The following TYK2 variants were observed in gnomAD, a reference collection of about 807,000 sequenced individuals.
TYK2 encodes the protein tyrosine kinase 2.
A neutral mutation model predicts 130.9 loss-of-function variants in TYK2; 65 were observed. That is an observed-to-expected ratio of 0.50 (90% confidence interval 0.41 to 0.61). TYK2 has a LOEUF of 0.61. TYK2 is among the 20% of genes least tolerant of loss of function. TYK2 has a pLI of 0.00. For missense variants in TYK2, 1,378 were observed against 1,610.7 expected, an observed-to-expected ratio of 0.86 and a Z score of 2.47; for synonymous variants, 647 against 658.9, an observed-to-expected ratio of 0.98 and a Z score of 0.28.
rs751712753 is a variant in TYK2, at chr19:10,361,949, G to C, written c.1780C>G (p.His594Asp). The C allele has an allele frequency of 1.9e-6, 3 of 1,614,028 alleles. No homozygotes were observed. The highest frequency in any genetic ancestry group is 2.5e-6 in the Non-Finnish European group (3 of 1,180,000). ...TTGGTCCTTGTGCCCTGGCCCAAGT[G>C]GGACAGCTGCGGGATCATGTGGCAC... ...VDQKEITQLS[H>D]LGQGTRTNVY... Residue 594 changes from histidine to aspartate, a missense_variant, in exon 13 of 25, where the codon CAC becomes GAC. His to Asp is a moderately conservative substitution (Grantham distance 81). Coordinates refer to ENST00000525621, the MANE Select transcript of TYK2 (RefSeq NM_003331.5). This position sits in a 1 kb window ranked among gnomAD's most constrained non-coding sequence, Gnocchi z 4.0.
At chr19:10,363,000 C>T (rs1309952351) in intron 9 of TYK2, among the ~76,000 whole-genome samples, 5 of 152,062 alleles carry the variant, frequency 3.3e-5, no homozygotes, top group Middle Eastern at 3.4e-3. Context: ...CTCAACCTCC[C>T]GAGTAGCTGG....
chr19:10,368,736 T>C (rs547060277), intron 3 of TYK2: 55 of 377,826 alleles, frequency 1.5e-4, no homozygotes, highest in Admixed American at 1.0e-3. Flanking sequence ...CGAGGTATGA[T>C]GAAGGCTTCT....
chr19:10,355,915 T>C (rs1469089788), intron 18 of TYK2, among the ~76,000 whole-genome samples: 1 of 151,680 alleles, frequency 6.6e-6, no homozygotes, highest in East Asian at 1.9e-4. Flanking sequence ...TGAGCCAAGA[T>C]TGCACCACTG....
At position 10,354,557 on chromosome 19, in the gene TYK2, C is replaced by A; in HGVS notation, c.2670G>T (p.Thr890=). ...VNPDSPASDP[T]VFHKRYLKKI... ...TTTTCAAATAGCGCTTGTGGAAAAC[C>A]GTAGGGTCCGACGCCGGTGAGTCCG... Residue 890 remains threonine, a synonymous_variant, in exon 19 of 25, where the codon ACG becomes ACT. Coordinates refer to ENST00000525621, the MANE Select transcript of TYK2 (RefSeq NM_003331.5). 1 of 1,614,026 alleles carries A rather than the reference C, an allele frequency of 6.2e-7. No homozygotes were observed. The highest frequency in any genetic ancestry group is 8.5e-7 in the Non-Finnish European group (1 of 1,180,022).
intron 3 of TYK2, among the ~76,000 whole-genome samples, chr19:10,374,538 T>TTGTGC (rs2042039139): frequency 8.8e-6 from 1 of 113,868 alleles, no homozygotes; most frequent in African/African-American, 3.6e-5. Context: ...TGAGCCGAGA[T>TTGTGC]CACACCACTG....
At position 10,365,793 on chromosome 19, in the gene TYK2, G is replaced by C. The variant is rs1454450816; in HGVS notation, c.735C>G (p.Phe245Leu). The C allele has an allele frequency of 3.7e-6, 6 of 1,612,228 alleles. No homozygotes were observed. Among genetic ancestry groups the C allele is most frequent in the East Asian group, 4.5e-5 (2 of 44,872 alleles). Residue 245 changes from phenylalanine to leucine, a missense_variant, in exon 7 of 25, where the codon TTC (phenylalanine) becomes TTG (leucine). Coordinates refer to ENST00000525621, the MANE Select transcript of TYK2 (RefSeq NM_003331.5). Reference protein sequence around the residue: ...RNVFRRFLRDFQPGRLSQQMV... With the variant: ...RNVFRRFLRDLQPGRLSQQMV... The stretch of plus-strand genomic sequence containing the variant: ...TCTGCTGGGAGAGTCGGCCCGGCTG[G>C]AAGTCCCGCAGGAACCTGCGGAAGA...
chr19:10,378,818 AAGAC>A (rs2042261531), intron 2 of TYK2, among the ~76,000 whole-genome samples: 6 of 150,004 alleles, frequency 4.0e-5, no homozygotes, highest in Non-Finnish European at 7.4e-5. Flanking sequence ...CTGTTTCTAC[AAGAC>A]GTTTTATTTT....
Position 10,378,245 on chromosome 19 carries a change from C to T in TYK2, c.162G>A (p.Glu54=), listed in dbSNP as rs1171586622. 6.2e-7 allele frequency: 1 copy of T among 1,612,992 alleles called. No homozygotes were observed. The highest frequency in any genetic ancestry group is 2.2e-5 in the East Asian group (1 of 44,892). The change falls in exon 3 of 25, where the codon GAG becomes GAA. Residue 54 remains glutamate (E), a synonymous_variant. Transcript: ENST00000525621. ...VTFSESSLTA[E]EVCIHIAHKV... ...TATGTGCAATGTGGATGCAGACTTC[C>T]TCAGCTGTCAGCGATGACTCACTGA...
In TYK2 at chr19:10,361,293, G is replaced by C; in HGVS notation, c.2047+218C>G. On this transcript the variant is annotated intron_variant, in intron 14 of 24. Transcript: ENST00000525621. The surrounding 1 kb of genome is among the most constrained non-coding windows in gnomAD (Gnocchi z 4.0). The stretch of plus-strand genomic sequence containing the variant: ...GGGGGTTGAGACTGAGGGCAGGTGA[G>C]GGTCGACGTGTTGGGATGTAAGTTA... 2 of 628,216 alleles carry C rather than the reference G, an allele frequency of 3.2e-6. No homozygotes were observed. The highest frequency in any genetic ancestry group is 5.8e-6 in the Non-Finnish European group (2 of 345,148). The allele number at this position is 628,216 out of a possible 1,614,324, so 38.9% of individuals were successfully genotyped here. A position where few individuals can be genotyped will look rare whatever the true frequency, so the allele number is the denominator to read the frequency against.
At chr19:10,358,416 G>A (rs187787379) in intron 15 of TYK2, among the ~76,000 whole-genome samples, 121 of 149,878 alleles carry the variant, frequency 8.1e-4, no homozygotes, top group Middle Eastern at 3.4e-3. Flanking sequence ...TCCAAGTAGC[G>A]AGAATTACAG....
chr19:10,378,082 A>G (rs1288307751), intron 3 of TYK2, 132 bp downstream of exon 3: 19 of 759,752 alleles, frequency 2.5e-5, no homozygotes, highest in African/African-American at 1.1e-4. Context: ...GGATGGGTGG[A>G]TGGATGGATG....
chr19:10,352,199 G>A (rs1164362695), intron 23 of TYK2, among the ~76,000 whole-genome samples: 2 of 151,952 alleles, frequency 1.3e-5, no homozygotes, highest in African/African-American at 2.4e-5. Flanking sequence ...AGTCTCCTGA[G>A]TAGCTGGGAC....
At position 10,353,117 on chromosome 19, in the gene TYK2, T is replaced by G; in HGVS notation, c.3028-19A>C. The stretch of plus-strand genomic sequence containing the variant: ...CCATGCCCTGGGGACGGGGCAGGGC[T>G]CGTGAGTTTCAGTGGGGCGGGGTTC... On this transcript the variant is annotated intron_variant, in intron 21 of 24. Transcript: ENST00000525621. The surrounding 1 kb of genome is among the most constrained non-coding windows in gnomAD (Gnocchi z 6.9). 1 of 1,480,232 alleles carries G rather than the reference T, an allele frequency of 6.8e-7. No homozygotes were observed. The highest frequency in any genetic ancestry group is 1.4e-5 in the African/African-American group (1 of 70,822). The allele number at this position is 1,480,232 out of a possible 1,614,324, so 91.7% of individuals were successfully genotyped here.
In TYK2 at chr19:10,368,220, G is replaced by T. The variant is rs376043199; in HGVS notation, c.318-18C>A. The T allele has an allele frequency of 2.2e-5, 36 of 1,613,974 alleles. No homozygotes were observed. Among genetic ancestry groups the T allele is most frequent in the Non-Finnish European group, 3.0e-5 (35 of 1,179,978 alleles). ...AATAAAACCTGCAGGAAGGAGGGAC[G>T]CAGCTGGGGCTTAGCACAGAGTCAG... is the stretch of plus-strand genomic sequence containing the variant. On this transcript the variant is annotated intron_variant, in intron 4 of 24. Coordinates refer to ENST00000525621, the MANE Select transcript of TYK2 (RefSeq NM_003331.5).
chr19:10,365,407 TGGG>T lies in TYK2; in HGVS notation c.1011+107_1011+109del. On this transcript the variant is annotated intron_variant, in intron 7 of 24. Coordinates refer to ENST00000525621, the MANE Select transcript of TYK2 (RefSeq NM_003331.5). ...AGCGGACAGGTGCCCCAGAGCCATGTGGGGAGAGGGCTCAGGTCAGCCACCCTC... is the reference window on the plus strand; with the variant it reads ...AGCGGACAGGTGCCCCAGAGCCATGTGAGAGGGCTCAGGTCAGCCACCCTC... 5 of 1,536,842 alleles carry T rather than the reference TGGG, an allele frequency of 3.3e-6. No homozygotes were observed. The South Asian group carries it at 5.7e-5, about 17-fold the overall frequency.
Position 10,365,741 on chromosome 19 carries a change from G to C in TYK2, c.787C>G (p.Leu263Val), listed in dbSNP as rs938643963. 17 of 1,612,914 alleles carry C rather than the reference G, an allele frequency of 1.1e-5. No individual in the cohort carries two copies. The highest frequency in any genetic ancestry group is 1.4e-5 in the Non-Finnish European group (17 of 1,179,890). The change falls in exon 7 of 25, where the codon CTC (leucine) becomes GTC (valine). Residue 263 changes from leucine (L) to valine (V), a missense_variant. Transcript: ENST00000525621. ...CCGAAGCGGGGTGCCAGCCGCTCGA[G>C]TGTGGCTAGGTATTTGACCATGACC... The part of the protein sequence containing the change: ...QMVMVKYLAT[L>V]ERLAPRFGTE...
intron 3 of TYK2, among the ~76,000 whole-genome samples, chr19:10,377,024 C>G (rs1214377084): frequency 1.3e-5 from 2 of 152,078 alleles, no homozygotes; most frequent in African/African-American, 4.8e-5. Flanking sequence ...GCCTCAGGCT[C>G]TCAAGTTGCT....
chr19:10,367,896 G>A (rs2041739513), intron 5 of TYK2, among the ~76,000 whole-genome samples, 159 bp downstream of exon 5: 1 of 150,570 alleles, frequency 6.6e-6, no homozygotes, highest in Non-Finnish European at 1.5e-5. Context: ...CTTCAGCCTG[G>A]GCGACAGAGC....
rs757598903 is a variant in TYK2, at chr19:10,365,768, T to A, written c.760A>T (p.Met254Leu). ...GTGGCTAGGTATTTGACCATGACCA[T>A]CTGCTGGGAGAGTCGGCCCGGCTGG... ...DFQPGRLSQQ[M>L]VMVKYLATLE... is the part of the protein sequence containing the mutation. The change falls in exon 7 of 25, where the codon ATG becomes TTG. Residue 254 changes from methionine (M) to leucine (L), a missense_variant. Coordinates refer to ENST00000525621, the MANE Select transcript of TYK2 (RefSeq NM_003331.5). 6.2e-7 allele frequency: 1 copy of A among 1,612,794 alleles called. No individual in the cohort carries two copies. The highest frequency in any genetic ancestry group is 8.5e-7 in the Non-Finnish European group (1 of 1,179,872).
Sources: gnomAD v4.1 joint callset for allele counts (sites outside exome capture counted in the v4.1 genomes callset) on GRCh38, gnomAD v4.1.1 for gene constraint, Gnocchi (gnomAD v3.1) non-coding constraint, MANE v1.5 for transcripts, NCBI Gene and HGNC (gene_info 2026-07-23, HGNC 2026-07-21) for gene names.